Variants in STAG1 observed in about 807,000 individuals in gnomAD.
STAG1 encodes cohesin subunit SA-1.
Under a neutral mutation model 170.9 loss-of-function variants are expected in STAG1, and 26 were observed. The observed-to-expected ratio is 0.15, with a 90% CI of 0.11 to 0.21. The LOEUF (loss-of-function observed/expected upper bound fraction) is 0.21, where lower values mean the gene tolerates loss of function less well. Ranked by LOEUF, STAG1 falls within the 10% of genes least tolerant of loss-of-function variation. The pLI is 1.00. For missense variants in STAG1, 964 were observed against 1,509.5 expected, an observed-to-expected ratio of 0.64 and a Z score of 5.99; for synonymous variants, 514 against 497.7, an observed-to-expected ratio of 1.03 and a Z score of -0.44.
chr3:136,591,282 G>A (rs1264622007), intron 4 of STAG1, among the ~76,000 whole-genome samples: 1 of 148,330 alleles, frequency 6.7e-6, no homozygotes, highest in Non-Finnish European at 1.5e-5. Flanking sequence ...GAGGAGGGAA[G>A]GCGGGAAGGT....
chr3:136,678,233 TA>T lies in STAG1; in HGVS notation c.-83-47253del, dbSNP rs199800010. 3.0e-3 allele frequency among the ~76,000 whole-genome samples: 424 copies of T among 142,984 alleles called. 3 individuals are homozygous for T. The highest frequency in any genetic ancestry group is 0.023 in the East Asian group (114 of 5,014). 93.8% of individuals were successfully genotyped at this position (142,984 alleles called of 152,430 possible). ...ACAAATGCTAGAGAACAGCTAATGC[TA>T]AAAAAAAAAGGTGTAAACTTGAAAC... On this transcript the variant is annotated intron_variant, in intron 1 of 33. Transcript: ENST00000383202.
chr3:136,538,147 A>G lies in STAG1; in HGVS notation c.471+3972T>C, dbSNP rs1378875330. 2.6e-5 allele frequency among the ~76,000 whole-genome samples: 4 copies of G among 152,334 alleles called. No individual in the cohort carries two copies. In the East Asian group the frequency reaches 7.7e-4, roughly 29 times the overall value. ...GTGATCACAGTATTTTGATCAGAAT[A>G]GTATGAAATATTGTCTTATCTGTCC... is the stretch of plus-strand genomic sequence containing the variant. On this transcript the variant is annotated intron_variant, in intron 6 of 33. Transcript: ENST00000383202.
At chr3:136,664,914 A>G (rs1941703973) in intron 1 of STAG1, among the ~76,000 whole-genome samples, 1 of 152,246 alleles carries the variant, frequency 6.6e-6, no homozygotes, top group Admixed American at 6.5e-5. Context: ...AAAACTAACA[A>G]AAGTATCTAA....
chr3:136,380,183 T>G (rs1407684449), intron 22 of STAG1, among the ~76,000 whole-genome samples: 1 of 152,190 alleles, frequency 6.6e-6, no homozygotes, highest in Non-Finnish European at 1.5e-5. Flanking sequence ...GCTGTCTGAC[T>G]CTAAAGTCCA....
At chr3:136,457,496 A>G (rs372756327) in intron 13 of STAG1, among the ~76,000 whole-genome samples, 58 of 152,122 alleles carry the variant, frequency 3.8e-4, no homozygotes, top group African/African-American at 1.3e-3. Context: ...ATCACCAATA[A>G]ATAGTGTGGG....
chr3:136,384,493 T>G (rs1200954634), intron 22 of STAG1, among the ~76,000 whole-genome samples: 1 of 138,030 alleles, frequency 7.2e-6, no homozygotes, highest in Admixed American at 7.3e-5. Context: ...TTGAGGCCAG[T>G]CGTGGTGGCT....
At chr3:136,611,685 T>TTG (rs1559908769) in intron 3 of STAG1, among the ~76,000 whole-genome samples, 3 of 120,562 alleles carry the variant, frequency 2.5e-5, no homozygotes, top group African/African-American at 2.9e-5. Flanking sequence ...TTTTTTTTTT[T>TTG]GGTACAGATG....
chr3:136,623,442 C>T (rs1939953963), intron 2 of STAG1, among the ~76,000 whole-genome samples, 194 bp from the exon 3 acceptor site: 1 of 151,854 alleles, frequency 6.6e-6, no homozygotes, highest in Admixed American at 6.6e-5. Context: ...AATGAATCCC[C>T]CAAATAAAGA....
intron 4 of STAG1, among the ~76,000 whole-genome samples, chr3:136,577,113 T>C (rs1937492458): frequency 6.6e-6 from 1 of 152,194 alleles, no homozygotes; most frequent in East Asian, 1.9e-4. Context: ...CTGCTGAATT[T>C]AGGAATTACG....
intron 3 of STAG1, among the ~76,000 whole-genome samples, chr3:136,615,071 A>G (rs1939516686): frequency 6.6e-6 from 1 of 152,190 alleles, no homozygotes; most frequent in African/African-American, 2.4e-5. Context: ...ACCGAGAAGC[A>G]GGAAAAGTTT....
intron 1 of STAG1, among the ~76,000 whole-genome samples, chr3:136,722,868 T>A (rs1164334694): frequency 6.6e-6 from 1 of 152,182 alleles, no homozygotes; most frequent in Non-Finnish European, 1.5e-5. Flanking sequence ...GTTTTCGTAT[T>A]TTTTTGGTGG....
chr3:136,411,468 G>C (rs969895674), intron 21 of STAG1, among the ~76,000 whole-genome samples: 4 of 151,972 alleles, frequency 2.6e-5, no homozygotes, highest in African/African-American at 4.8e-5. Context: ...TACAAAAGTG[G>C]GTATAAGAGA....
chr3:136,712,228 G>C (rs893458736), intron 1 of STAG1, among the ~76,000 whole-genome samples: 1 of 152,084 alleles, frequency 6.6e-6, no homozygotes, highest in Admixed American at 6.5e-5. Flanking sequence ...ACATTAGCCA[G>C]GATGGTCTCG....
chr3:136,690,766 T>A (rs1296322819), intron 1 of STAG1, among the ~76,000 whole-genome samples: 1 of 151,844 alleles, frequency 6.6e-6, no homozygotes, highest in Non-Finnish European at 1.5e-5. Context: ...CTGGCAAAGA[T>A]GTGTTGTTAT....
intron 9 of STAG1, among the ~76,000 whole-genome samples, chr3:136,486,359 C>G (rs1435187315): frequency 1.3e-5 from 2 of 152,188 alleles, no homozygotes; most frequent in Non-Finnish European, 2.9e-5. Context: ...CATCTCTGAG[C>G]TACAGCTTTG....
At chr3:136,546,089 A>G (rs560706663) in intron 5 of STAG1, among the ~76,000 whole-genome samples, 85 of 152,320 alleles carry the variant, frequency 5.6e-4, no homozygotes, top group African/African-American at 1.8e-3. Flanking sequence ...CCATGCTAGT[A>G]TAGCCCAGGG....
intron 1 of STAG1, among the ~76,000 whole-genome samples, chr3:136,703,926 C>A (rs531067870): frequency 3.4e-4 from 52 of 152,022 alleles, no homozygotes; most frequent in African/African-American, 1.3e-3. Context: ...GCAGGAGAAT[C>A]GCTTGAACCT....
intron 1 of STAG1, among the ~76,000 whole-genome samples, chr3:136,668,218 G>C (rs116803452): frequency 0.01 from 1,552 of 150,506 alleles, 27 homozygotes; most frequent in African/African-American, 0.036. Context: ...CGAGGCAACA[G>C]AGTGAGACTG....
intron 1 of STAG1, among the ~76,000 whole-genome samples, chr3:136,751,243 G>A (rs1323031973): frequency 2.0e-5 from 3 of 148,852 alleles, no homozygotes; most frequent in Non-Finnish European, 4.4e-5. Flanking sequence ...CCCGGAGCAC[G>A]ATTCCCTGCA....
Sources: allele counts gnomAD v4.1 joint callset (sites outside exome capture counted in the v4.1 genomes callset), GRCh38; gene constraint gnomAD v4.1.1; transcripts MANE v1.5; gene names NCBI Gene and HGNC (gene_info 2026-07-23, HGNC 2026-07-21).